Variants in TNPO1 observed in about 807,000 individuals in gnomAD.
TNPO1 encodes transportin-1.
A neutral mutation model predicts 119.5 loss-of-function variants in TNPO1; 8 were observed. That is an observed-to-expected ratio of 0.07 (90% CI 0.04 to 0.12). The LOEUF (loss-of-function observed/expected upper bound fraction) is 0.12. TNPO1 is among the 10% of genes least tolerant of loss of function. The pLI is 1.00. For missense variants in TNPO1, 576 were observed against 1,089.8 expected, an observed-to-expected ratio of 0.53 and a Z score of 6.64; for synonymous variants, 362 against 363.0, an observed-to-expected ratio of 1.00 and a Z score of 0.03.
chr5:72,912,302 T>C lies in TNPO1; in HGVS notation c.*3629T>C, dbSNP rs1349670301. The C allele has an allele frequency of 6.6e-6, 1 of 152,554 alleles. No individual in the cohort carries two copies. The highest frequency in any genetic ancestry group is 1.5e-5 in the Non-Finnish European group (1 of 67,938). 9.5% of individuals were successfully genotyped at this position (152,554 alleles called of 1,614,324 possible). On this transcript the variant is annotated 3_prime_UTR_variant, in exon 25 of 25. Transcript: ENST00000337273. ...TTAACATTGATAAACACTGTGATTT[T>C]TTTGGTTAAGACTTTTTCATTGATC...
intron 1 of TNPO1, among the ~76,000 whole-genome samples, chr5:72,840,534 AC>A (rs1398529010): frequency 1.3e-5 from 2 of 152,022 alleles, no homozygotes; most frequent in Non-Finnish European, 2.9e-5. Flanking sequence ...AAGCTACTTA[AC>A]CTCTCTGAAC....
At chr5:72,843,410 A>G (rs1371868282) in intron 1 of TNPO1, among the ~76,000 whole-genome samples, 1 of 152,090 alleles carries the variant, frequency 6.6e-6, no homozygotes, top group African/African-American at 2.4e-5. Flanking sequence ...CCTGGACAAC[A>G]TGGTGAAACC....
At position 72,875,256 on chromosome 5, in the gene TNPO1, C is replaced by CT. The variant is rs1424508524; in HGVS notation, c.679-358dup. ...TATCACCTTTTTATAAATCTTGAAT[C>CT]TATTACCACCTCTCACCTTAAAAAT... On this transcript the variant is annotated intron_variant, in intron 7 of 24. Transcript: ENST00000337273. Among the ~76,000 whole-genome samples the CT allele has an allele frequency of 2.0e-5, 3 of 152,258 alleles. No individual in the cohort carries two copies. The East Asian group carries it at 5.8e-4, about 29-fold the overall frequency.
intron 8 of TNPO1, among the ~76,000 whole-genome samples, chr5:72,876,222 T>C (rs568742450): frequency 1.3e-5 from 2 of 152,356 alleles, no homozygotes; most frequent in African/African-American, 4.8e-5. Context: ...AGTTCTTTCT[T>C]CCACAATACT....
intron 11 of TNPO1, among the ~76,000 whole-genome samples, chr5:72,885,443 C>T (rs1345538501): frequency 6.6e-6 from 1 of 152,190 alleles, no homozygotes; most frequent in Non-Finnish European, 1.5e-5. Flanking sequence ...CTTCACATCC[C>T]ATTCTTTGTA....
chr5:72,887,252 A>T (rs1748718906), intron 12 of TNPO1, 30 bp downstream of exon 12: 4 of 1,178,618 alleles, frequency 3.4e-6, no homozygotes, highest in Non-Finnish European at 4.7e-6. Context: ...GAATTATGTA[A>T]GTTGGCTTCT....
intron 6 of TNPO1, among the ~76,000 whole-genome samples, chr5:72,866,129 G>A (rs974137605): frequency 6.6e-6 from 1 of 152,210 alleles, no homozygotes; most frequent in Non-Finnish European, 1.5e-5. Flanking sequence ...GATGCTGGGG[G>A]TTTAGAGTAC....
rs869051297 is a variant in TNPO1, at chr5:72,906,275, C to CTTTTTTTTTTTTTT, written c.*35+855_*35+868dup. 1.7e-3 allele frequency among the ~76,000 whole-genome samples: 92 copies of CTTTTTTTTTTTTTT among 54,698 alleles called. 22 individuals carry two copies. The highest frequency in any genetic ancestry group is 4.1e-3 in the African/African-American group (61 of 14,700). The allele number at this position is 54,698 out of a possible 152,430, so 35.9% of individuals were successfully genotyped here. ...CCATGTGCCCATCACTTTTTTTTTT[C>CTTTTTTTTTTTTTT]TTTTTTTTTTTTTTTTTTTTTTTTT... On this transcript the variant is annotated intron_variant, in intron 24 of 24. Transcript: ENST00000337273.
chr5:72,896,424 A>G, intron 18 of TNPO1, 34 bp from the exon 19 acceptor site: 6 of 1,514,068 alleles, frequency 4.0e-6, no homozygotes, highest in Non-Finnish European at 5.5e-6. Context: ...CTGCTATTGA[A>G]AAGTTTACTA....
intron 13 of TNPO1, 72 bp from the exon 14 acceptor site, chr5:72,889,714 A>C: frequency 6.8e-7 from 1 of 1,479,284 alleles, no homozygotes; most frequent in Non-Finnish European, 9.0e-7. Flanking sequence ...AACAGAACAT[A>C]AACATTTTAG....
chr5:72,846,262 A>G (rs1383036448), intron 1 of TNPO1, among the ~76,000 whole-genome samples: 1 of 152,208 alleles, frequency 6.6e-6, no homozygotes, highest in African/African-American at 2.4e-5. Context: ...AGCAATCTGG[A>G]AGCCAATCAG....
Position 72,909,046 on chromosome 5 carries a change from G to T in TNPO1, c.*373G>T, listed in dbSNP as rs1161597837. ...AAGAACCATATAAATGATGCCTAGG[G>T]ACAAGAAAGAGGAACAATTCTATAG... On this transcript the variant is annotated 3_prime_UTR_variant, in exon 25 of 25. Coordinates refer to ENST00000337273, the MANE Select transcript of TNPO1 (RefSeq NM_002270.4). The T allele has an allele frequency of 3.6e-5, 9 of 250,958 alleles. No homozygotes were observed. The highest frequency in any genetic ancestry group is 1.9e-4 in the South Asian group (5 of 26,982). 15.5% of individuals were successfully genotyped at this position (250,958 alleles called of 1,614,324 possible).
chr5:72,910,575 C>T lies in TNPO1; in HGVS notation c.*1902C>T, dbSNP rs1417398625. On this transcript the variant is annotated 3_prime_UTR_variant, in exon 25 of 25. Transcript: ENST00000337273. ...CTGCAACAAAAATGTTAAGCCATAA[C>T]AGCCTTTTTATATTTTAGTTTGTCA... 6.6e-6 allele frequency: 1 copy of T among 152,558 alleles called. No homozygotes were observed. The highest frequency in any genetic ancestry group is 1.9e-4 in the East Asian group (1 of 5,198). The allele number at this position is 152,558 out of a possible 1,614,324, so 9.5% of individuals were successfully genotyped here. A position where few individuals can be genotyped will look rare whatever the true frequency, so the allele number is the denominator to read the frequency against.
At chr5:72,881,331 G>A (rs1363520091) in intron 9 of TNPO1, among the ~76,000 whole-genome samples, 2 of 152,020 alleles carry the variant, frequency 1.3e-5, no homozygotes, top group African/African-American at 2.4e-5. Context: ...GGCTGGTCTC[G>A]AACTCCTGAC....
chr5:72,853,395 C>T (rs941551017), intron 3 of TNPO1, among the ~76,000 whole-genome samples: 3 of 152,104 alleles, frequency 2.0e-5, no homozygotes, highest in Non-Finnish European at 4.4e-5. Context: ...GAGCTGTGAT[C>T]GTGCCACTGC....
intron 2 of TNPO1, among the ~76,000 whole-genome samples, chr5:72,850,615 C>T (rs999211768): frequency 1.3e-5 from 2 of 152,156 alleles, no homozygotes; most frequent in African/African-American, 4.8e-5. Flanking sequence ...ACAGCTGCCT[C>T]CCGACAGCGA....
In TNPO1 at chr5:72,855,865, T is replaced by G. The variant is rs770984455; in HGVS notation, c.297T>G (p.Ile99Met). 1 of 1,613,458 alleles carries G rather than the reference T, an allele frequency of 6.2e-7. No homozygotes were observed. Reference sequence around the variant, plus strand: ...TCCCAAATGGTGTAACAGACTTTATTAAAAGTGAATGTTTAAATAATATTG... The same window carrying G: ...TCCCAAATGGTGTAACAGACTTTATGAAAAGTGAATGTTTAAATAATATTG... ...QNFPNGVTDF[I>M]KSECLNNIGD... Residue 99 changes from isoleucine (I) to methionine (M), a missense_variant, in exon 4 of 25, where the codon ATT becomes ATG. Ile to Met is a conservative substitution (Grantham distance 10). Around this residue, in one of 6 missense-constraint regions of TNPO1, gnomAD observed 310 missense variants for 583.0 expected, o/e 0.53. Transcript: ENST00000337273.
intron 1 of TNPO1, among the ~76,000 whole-genome samples, chr5:72,827,463 C>G (rs1157793690): frequency 1.3e-5 from 2 of 152,040 alleles, no homozygotes; most frequent in Non-Finnish European, 2.9e-5. Context: ...TCTGCCTAAA[C>G]CATGGACTAG....
chr5:72,895,475 G>C (rs1749363619), intron 18 of TNPO1, among the ~76,000 whole-genome samples: 1 of 151,930 alleles, frequency 6.6e-6, no homozygotes, highest in Non-Finnish European at 1.5e-5. Context: ...TTTGATGCTG[G>C]AGAGGTGCCA....
Sources: allele counts gnomAD v4.1 joint callset (sites outside exome capture counted in the v4.1 genomes callset), GRCh38; gene constraint gnomAD v4.1.1; regional missense constraint gnomAD v4.1.1; transcripts MANE v1.5; gene names NCBI Gene and HGNC (gene_info 2026-07-23, HGNC 2026-07-21).